The following SLA variants were observed in gnomAD, a reference collection of about 807,000 sequenced individuals.
The protein encoded by SLA is src-like-adapter.
In SLA, 16 loss-of-function variants were observed where a neutral mutation model predicts 30.3. That is an observed-to-expected ratio of 0.53 (90% CI 0.36 to 0.80). SLA has a LOEUF of 0.80. Among genes scored for constraint, SLA ranks in the 30% least tolerant of loss-of-function variants. The pLI, the probability that SLA is intolerant of heterozygous loss-of-function variation, is 0.01. For synonymous variants in SLA, 143 were observed against 137.8 expected (o/e 1.04, Z -0.26); for missense variants, 310 against 345.2 (o/e 0.90, Z 0.81).
At position 133,093,597 on chromosome 8, in the gene SLA, G is replaced by A. The variant is rs143260777; in HGVS notation, c.-319+8956C>T. ...TCTGGCACCAGGTCTCACAGCGGCC[G>A]TGTCCAGGATCCCCCAATTCCATGC... On this transcript the variant is annotated intron_variant, in intron 1 of 8. Coordinates refer to ENST00000338087, the MANE Select transcript of SLA (RefSeq NM_001045556.3). Among the ~76,000 whole-genome samples the A allele has an allele frequency of 2.0e-4, 30 of 152,266 alleles. No individual in the cohort carries two copies. In the East Asian group the frequency reaches 3.5e-3, roughly 18 times the overall value.
chr8:133,097,432 G>A (rs1338754243), intron 1 of SLA, among the ~76,000 whole-genome samples: 5 of 152,136 alleles, frequency 3.3e-5, no homozygotes, highest in African/African-American at 1.2e-4. Flanking sequence ...CATTAACAGG[G>A]AAATGGTTGA....
chr8:133,087,071 TACACACACACACACACACACACACAC>T (rs56028043), intron 1 of SLA, among the ~76,000 whole-genome samples: 6 of 143,046 alleles, frequency 4.2e-5, no homozygotes, highest in Non-Finnish European at 9.1e-5. Flanking sequence ...AATATATGTT[TACACACACACACACACACACACACAC>T]ACACACACAC....
intron 2 of SLA, among the ~76,000 whole-genome samples, chr8:133,071,891 T>C (rs1844110981): frequency 6.6e-6 from 1 of 152,166 alleles, no homozygotes; most frequent in South Asian, 2.1e-4. Context: ...TATTCCTCAA[T>C]GAAAAGCCAT....
chr8:133,081,404 G>C (rs766659564), intron 1 of SLA, among the ~76,000 whole-genome samples: 14 of 152,190 alleles, frequency 9.2e-5, no homozygotes, highest in South Asian at 2.1e-4. Flanking sequence ...AAACCATCTG[G>C]GGGGAGAGCA....
intron 2 of SLA, among the ~76,000 whole-genome samples, chr8:133,067,701 GT>G (rs1564144958): frequency 6.6e-6 from 1 of 151,854 alleles, no homozygotes; most frequent in African/African-American, 2.4e-5. Context: ...ACTTGAACCC[GT>G]GAGGCAGAGG....
chr8:133,076,278 C>T (rs913878253), intron 1 of SLA, among the ~76,000 whole-genome samples: 4 of 152,186 alleles, frequency 2.6e-5, no homozygotes, highest in African/African-American at 9.7e-5. Context: ...AATCTACGGC[C>T]GGTGACCCAG....
chr8:133,080,681 G>A (rs949897242), intron 1 of SLA, among the ~76,000 whole-genome samples: 4 of 152,136 alleles, frequency 2.6e-5, no homozygotes, highest in African/African-American at 9.7e-5. Context: ...TCAGCCCCAT[G>A]GCAATGTCAG....
At chr8:133,075,267 C>T (rs1844681630) in intron 1 of SLA, 137 bp from the exon 2 acceptor site, 1 of 320,804 alleles carries the variant, frequency 3.1e-6, no homozygotes, top group Non-Finnish European at 4.5e-6. Context: ...TGTGAATTTG[C>T]TCTTGTACAT....
At chr8:133,053,905 A>T (rs2739182) in intron 3 of SLA, among the ~76,000 whole-genome samples, 38,243 of 152,008 alleles carry the variant, frequency 0.25, 5,716 homozygotes, top group East Asian at 0.56. Context: ...GCTTTTGCTT[A>T]AGGGTCAGAT....
chr8:133,074,778 A>G, intron 2 of SLA, 75 bp downstream of exon 2: 4 of 874,546 alleles, frequency 4.6e-6, no homozygotes, highest in Non-Finnish European at 4.1e-6. Context: ...CAGAAAGTCA[A>G]CCCCTGCCAA....
At chr8:133,068,523 T>G (rs1158338676) in intron 2 of SLA, among the ~76,000 whole-genome samples, 2 of 152,272 alleles carry the variant, frequency 1.3e-5, no homozygotes, top group Non-Finnish European at 1.5e-5. Context: ...CCACTCTTTC[T>G]GCTGTTTTTG....
At chr8:133,065,001 A>G (rs1292952102) in intron 2 of SLA, among the ~76,000 whole-genome samples, 1 of 152,172 alleles carries the variant, frequency 6.6e-6, no homozygotes, top group Non-Finnish European at 1.5e-5. Context: ...TAATTTGAAA[A>G]CATACTTAGG....
In SLA at chr8:133,060,119, C is replaced by A. The variant is rs1026405807; in HGVS notation, c.42G>T (p.Arg14Ser). The A allele has an allele frequency of 7.5e-6, 12 of 1,607,168 alleles. No homozygotes were observed. The East Asian group carries it at 1.8e-4, about 24-fold the overall frequency. ...SMKSTPAPAERPLPNPEGLDS... is the reference protein window; with the variant it reads ...SMKSTPAPAESPLPNPEGLDS... The stretch of plus-strand genomic sequence containing the variant: ...ACTTACCCTCCGGGTTGGGCAGGGG[C>A]CTCTCGGCAGGCGCAGGGGTGGATT... The change falls in exon 3 of 9, where the codon AGG (arginine) becomes AGT (serine). Residue 14 changes from arginine (R) to serine (S), a missense_variant. Arg to Ser is a moderately radical substitution (Grantham distance 110, BLOSUM62 -1). Coordinates refer to ENST00000338087, the MANE Select transcript of SLA (RefSeq NM_001045556.3).
intron 1 of SLA, among the ~76,000 whole-genome samples, chr8:133,090,321 AC>A (rs1413833072): frequency 6.6e-6 from 1 of 152,222 alleles, no homozygotes; most frequent in Non-Finnish European, 1.5e-5. Context: ...GAGTTGGAAC[AC>A]CTGGGTTCAG....
At chr8:133,096,615 T>C (rs1465352252) in intron 1 of SLA, among the ~76,000 whole-genome samples, 2 of 152,206 alleles carry the variant, frequency 1.3e-5, no homozygotes, top group African/African-American at 2.4e-5. Flanking sequence ...AAACTGGAGC[T>C]GACCCAGAAG....
At chr8:133,090,223 C>T (rs986528964) in intron 1 of SLA, 5 of 152,188 alleles carry the variant, frequency 3.3e-5, no homozygotes, top group Non-Finnish European at 7.3e-5. Flanking sequence ...GAGATAGTCA[C>T]GTTTCTAGAG....
chr8:133,043,242 G>A (rs1838656966), intron 7 of SLA, among the ~76,000 whole-genome samples: 1 of 152,060 alleles, frequency 6.6e-6, no homozygotes, highest in African/African-American at 2.4e-5. Flanking sequence ...CGGTATTTTT[G>A]GCCTGGTAGC....
intron 3 of SLA, among the ~76,000 whole-genome samples, chr8:133,056,914 G>A (rs537809770): frequency 1.3e-5 from 2 of 152,302 alleles, no homozygotes; most frequent in African/African-American, 4.8e-5. Context: ...TCAGCTGGCG[G>A]CTACCTTCCA....
At chr8:133,097,976 G>A (rs935796480) in intron 1 of SLA, among the ~76,000 whole-genome samples, 7 of 151,974 alleles carry the variant, frequency 4.6e-5, no homozygotes, top group African/African-American at 1.5e-4. Flanking sequence ...TGCAAGGGGG[G>A]GTGTCAAGTA....
Sources: allele counts gnomAD v4.1 joint callset (sites outside exome capture counted in the v4.1 genomes callset), GRCh38; gene constraint gnomAD v4.1.1; transcripts MANE v1.5; gene names NCBI Gene and HGNC (gene_info 2026-07-23, HGNC 2026-07-21).